Variants in DNAJC1 observed in about 807,000 individuals in gnomAD.
The protein encoded by DNAJC1 is dnaJ homolog subfamily C member 1.
Under a neutral mutation model 76.6 loss-of-function variants are expected in DNAJC1, and 58 were observed. That is an observed-to-expected ratio of 0.76 (90% CI 0.61 to 0.94). DNAJC1 has a LOEUF of 0.94. DNAJC1 is among the 40% of genes least tolerant of loss of function. The pLI, the probability that DNAJC1 is intolerant of heterozygous loss-of-function variation, is 0.00. For synonymous variants in DNAJC1, 258 were observed against 267.9 expected, an observed-to-expected ratio of 0.96 and a Z score of 0.36; for missense variants, 689 against 677.3, an observed-to-expected ratio of 1.02 and a Z score of -0.19.
chr10:21,933,310 G>A (rs1837257192), intron 1 of DNAJC1: 1 of 152,558 alleles, frequency 6.6e-6, no homozygotes, highest in Non-Finnish European at 1.5e-5. Context: ...CCTGATAGAG[G>A]AGGACCAGTC....
At chr10:21,925,042 G>C (rs1837103797) in intron 3 of DNAJC1, among the ~76,000 whole-genome samples, 1 of 152,100 alleles carries the variant, frequency 6.6e-6, no homozygotes, top group Admixed American at 6.5e-5. Flanking sequence ...ACTCAGGCTG[G>C]AGTACAATGG....
chr10:22,003,516 G>T lies in DNAJC1; in HGVS notation c.-82C>A, dbSNP rs1838562899. Reference sequence around the variant, plus strand: ...CGTGGCGGGCGGCGCTGGCTGTGGGGAACAGCGCCTGTCAGTGAAAAGCGC... The same window carrying T: ...CGTGGCGGGCGGCGCTGGCTGTGGGTAACAGCGCCTGTCAGTGAAAAGCGC... On this transcript the variant is annotated 5_prime_UTR_variant, in exon 1 of 12. Coordinates refer to ENST00000376980, the MANE Select transcript of DNAJC1 (RefSeq NM_022365.4). 1 of 1,276,280 alleles carries T rather than the reference G, an allele frequency of 7.8e-7. No individual in the cohort carries two copies. The highest frequency in any genetic ancestry group is 9.9e-7 in the Non-Finnish European group (1 of 1,012,676). The allele number at this position is 1,276,280 out of a possible 1,614,324, so 79.1% of individuals were successfully genotyped here. A position where few individuals can be genotyped will look rare whatever the true frequency, so the allele number is the denominator to read the frequency against.
At chr10:21,912,608 G>C (rs1189016466) in intron 6 of DNAJC1, among the ~76,000 whole-genome samples, 1 of 151,988 alleles carries the variant, frequency 6.6e-6, no homozygotes, top group African/African-American at 2.4e-5. Flanking sequence ...TCCTGTGTCA[G>C]GTTTCTGTAT....
intron 3 of DNAJC1, among the ~76,000 whole-genome samples, chr10:21,922,300 A>T (rs1837054662): frequency 6.6e-6 from 1 of 152,028 alleles, no homozygotes; most frequent in African/African-American, 2.4e-5. Context: ...TTCTTTTTTC[A>T]GTAGAAAAAC....
chr10:21,813,214 CTCTCTCTA>C (rs1254295375), intron 8 of DNAJC1, among the ~76,000 whole-genome samples: 349 of 42,564 alleles, frequency 8.2e-3, no homozygotes, highest in East Asian at 0.011. Context: ...CTCTCTCTCT[CTCTCTCTA>C]TATATATATA....
intron 2 of DNAJC1, 129 bp downstream of exon 2, chr10:21,928,911 T>C (rs765282776): frequency 2.4e-5 from 14 of 593,538 alleles, no homozygotes; most frequent in Non-Finnish European, 3.7e-5. Context: ...TGAAAAAAAA[T>C]ATACACTATA....
intron 8 of DNAJC1, among the ~76,000 whole-genome samples, chr10:21,832,400 A>G (rs1221839012): frequency 6.6e-6 from 1 of 152,218 alleles, no homozygotes; most frequent in African/African-American, 2.4e-5. Context: ...TTCTACATTA[A>G]CAACTATCTG....
intron 8 of DNAJC1, among the ~76,000 whole-genome samples, chr10:21,811,591 G>T (rs2131645817): frequency 6.6e-6 from 1 of 152,274 alleles, no homozygotes; most frequent in African/African-American, 2.4e-5. Flanking sequence ...GTCTTTTAAA[G>T]AAACTATTTT....
At position 21,837,146 on chromosome 10, in the gene DNAJC1, C is replaced by T. The variant is rs570810764; in HGVS notation, c.979-31047G>A. Among the ~76,000 whole-genome samples, 12 of 152,358 alleles carry T rather than the reference C, an allele frequency of 7.9e-5. No homozygotes were observed. In the South Asian group the frequency reaches 2.3e-3, roughly 29 times the overall value. ...CAGGCTGGTCTCCAGCTCCTAACCG[C>T]GAGTGATCTGCCAGCCTCGGCCTCC... is the stretch of plus-strand genomic sequence containing the variant. On this transcript the variant is annotated intron_variant, in intron 8 of 11. Coordinates refer to ENST00000376980, the MANE Select transcript of DNAJC1 (RefSeq NM_022365.4).
At chr10:21,809,101 T>C (rs898391905) in intron 8 of DNAJC1, among the ~76,000 whole-genome samples, 2 of 152,164 alleles carry the variant, frequency 1.3e-5, no homozygotes, top group Non-Finnish European at 2.9e-5. Context: ...GTTCAAAGAT[T>C]TGGTGTCTCT....
intron 8 of DNAJC1, among the ~76,000 whole-genome samples, chr10:21,856,230 C>T (rs1020833345): frequency 1.3e-5 from 2 of 152,104 alleles, no homozygotes; most frequent in Admixed American, 6.5e-5. Flanking sequence ...ACTGCAACTA[C>T]TATTTTCAGA....
Position 21,758,951 on chromosome 10 carries a change from G to T in DNAJC1, c.1596+219C>A, listed in dbSNP as rs115373529. Among the ~76,000 whole-genome samples, 809 of 151,998 alleles carry T rather than the reference G, an allele frequency of 5.3e-3. 7 individuals carry two copies. The highest frequency in any genetic ancestry group is 0.018 in the African/African-American group (752 of 41,416). ...ATAAGCAGCTGCCCTGTGGGATGAT[G>T]AAACTTAGAATCTTGAGCTCATCTA... On this transcript the variant is annotated intron_variant, in intron 11 of 11. Transcript: ENST00000376980.
At chr10:21,894,998 T>C (rs1836517507) in intron 7 of DNAJC1, among the ~76,000 whole-genome samples, 1 of 152,184 alleles carries the variant, frequency 6.6e-6, no homozygotes, top group Non-Finnish European at 1.5e-5. Context: ...GAGAAATAAA[T>C]TTCTGTTGAT....
At chr10:21,954,291 T>C (rs1259895171) in intron 1 of DNAJC1, among the ~76,000 whole-genome samples, 1 of 152,192 alleles carries the variant, frequency 6.6e-6, no homozygotes, top group Non-Finnish European at 1.5e-5. Flanking sequence ...AATCAGACAC[T>C]CTCATTGTAC....
chr10:21,942,232 A>G (rs1439646782), intron 1 of DNAJC1, among the ~76,000 whole-genome samples: 1 of 152,164 alleles, frequency 6.6e-6, no homozygotes, highest in African/African-American at 2.4e-5. Context: ...AGCAAGTAAT[A>G]GGACAAAGAG....
chr10:21,876,008 T>C (rs777173647), intron 8 of DNAJC1, among the ~76,000 whole-genome samples: 4 of 152,060 alleles, frequency 2.6e-5, no homozygotes, highest in African/African-American at 7.2e-5. Flanking sequence ...AAAGTGAAAT[T>C]TGAGACACAA....
chr10:21,840,834 A>C (rs1242010791), intron 8 of DNAJC1, among the ~76,000 whole-genome samples: 2 of 152,148 alleles, frequency 1.3e-5, no homozygotes, highest in Non-Finnish European at 1.5e-5. Context: ...GAGGCATCAC[A>C]CTACCTGACT....
At chr10:21,986,954 G>C (rs182428079) in intron 1 of DNAJC1, among the ~76,000 whole-genome samples, 1 of 152,094 alleles carries the variant, frequency 6.6e-6, no homozygotes, top group Admixed American at 6.5e-5. Context: ...TTTTAGTAGA[G>C]ACGGGGTTTC....
At chr10:21,785,950 A>G (rs879822449) in intron 9 of DNAJC1, among the ~76,000 whole-genome samples, 1 of 152,198 alleles carries the variant, frequency 6.6e-6, no homozygotes, top group Non-Finnish European at 1.5e-5. Context: ...TTTCCCCTAT[A>G]AGATCACTAG....
Sources: gnomAD v4.1 joint callset for allele counts (sites outside exome capture counted in the v4.1 genomes callset) on GRCh38, gnomAD v4.1.1 for gene constraint, MANE v1.5 for transcripts, NCBI Gene and HGNC (gene_info 2026-07-23, HGNC 2026-07-21) for gene names.